The following TMEM132B variants were observed in gnomAD, a reference collection of about 807,000 sequenced individuals.
TMEM132B encodes transmembrane protein 132B.
In TMEM132B, 18 loss-of-function variants were observed where a neutral mutation model predicts 90.8. That is an observed-to-expected ratio of 0.20 (90% CI 0.14 to 0.29). TMEM132B has a LOEUF of 0.29. TMEM132B is among the 10% of genes least tolerant of loss of function. The pLI is 1.00. For synonymous variants in TMEM132B, 504 were observed against 523.3 expected (o/e 0.96, Z 0.50); for missense variants, 1,096 against 1,326.8 (o/e 0.83, Z 2.70).
chr12:125,595,520 C>T (rs1885419169), intron 5 of TMEM132B, among the ~76,000 whole-genome samples: 1 of 152,200 alleles, frequency 6.6e-6, no homozygotes, highest in Admixed American at 6.5e-5. Flanking sequence ...AAGCTCTTCA[C>T]ATGTATCAGT....
chr12:125,589,957 G>A, intron 5 of TMEM132B, among the ~76,000 whole-genome samples: 1 of 152,082 alleles, frequency 6.6e-6, no homozygotes, highest in Non-Finnish European at 1.5e-5. Context: ...GGTGGGGCCT[G>A]GTGGGAGGTG....
intron 3 of TMEM132B, among the ~76,000 whole-genome samples, chr12:125,420,248 A>G (rs1593136991): frequency 1.3e-5 from 2 of 152,250 alleles, no homozygotes; most frequent in African/African-American, 4.8e-5. Context: ...CTGCCCTAGC[A>G]GAGGTTCTCC....
intron 2 of TMEM132B, among the ~76,000 whole-genome samples, chr12:125,409,421 C>G (rs911067034): frequency 3.3e-5 from 5 of 152,136 alleles, no homozygotes; most frequent in Non-Finnish European, 5.9e-5. Flanking sequence ...AGGAGGCATC[C>G]GGCGGCAGTG....
At chr12:125,361,130 C>G (rs114921640) in intron 2 of TMEM132B, among the ~76,000 whole-genome samples, 2 of 152,114 alleles carry the variant, frequency 1.3e-5, no homozygotes, top group Non-Finnish European at 2.9e-5. Context: ...TACAGGGACA[C>G]GCCCGCTGCC....
intron 3 of TMEM132B, among the ~76,000 whole-genome samples, chr12:125,506,512 G>A (rs1255284294): frequency 2.6e-5 from 4 of 152,048 alleles, no homozygotes; most frequent in African/African-American, 4.8e-5. Context: ...TTTATCCCAT[G>A]TAAATTATAG....
chr12:125,460,746 TC>T lies in TMEM132B; in HGVS notation c.1106+45070del, dbSNP rs1332707146. On this transcript the variant is annotated intron_variant, in intron 3 of 8. Transcript: ENST00000682704. This position sits in a 1 kb window ranked among gnomAD's most constrained non-coding sequence, Gnocchi z 4.4. ...CGTGTGTATGTCATTGGCAGCCACT[TC>T]TTTTGAGGACCCACTATTAGCTGCT... 1.3e-5 allele frequency among the ~76,000 whole-genome samples: 2 copies of T among 152,294 alleles called. No homozygotes were observed. Among genetic ancestry groups the T allele is most frequent in the African/African-American group, 4.8e-5 (2 of 41,580 alleles).
At chr12:125,262,469 T>C (rs1194615381) in intron 1 of TMEM132B, among the ~76,000 whole-genome samples, 3 of 152,170 alleles carry the variant, frequency 2.0e-5, no homozygotes, top group Non-Finnish European at 4.4e-5. Context: ...ACTGGCAACA[T>C]TGGCTGTGCA....
intron 1 of TMEM132B, among the ~76,000 whole-genome samples, chr12:125,189,392 G>A (rs368100486): frequency 6.6e-6 from 1 of 152,146 alleles, no homozygotes; most frequent in Non-Finnish European, 1.5e-5. Context: ...GGTGGGTGGA[G>A]CACCCCCACC....
At position 125,282,044 on chromosome 12, in the gene TMEM132B, AAAAAAAAAAAAAAAAAG is replaced by A. The variant is rs1396234036; in HGVS notation, c.68-67406_68-67390del. 1.0e-3 allele frequency among the ~76,000 whole-genome samples: 148 copies of A among 141,100 alleles called. 3 individuals are homozygous for A. Among genetic ancestry groups the A allele is most frequent in the Middle Eastern group, 0.01 (3 of 288 alleles). The allele number at this position is 141,100 out of a possible 152,430, so 92.6% of individuals were successfully genotyped here. A position where few individuals can be genotyped will look rare whatever the true frequency, so the allele number is the denominator to read the frequency against. On this transcript the variant is annotated intron_variant, in intron 1 of 8. Transcript: ENST00000682704. ...CTCCGTCTCAAAAAAAAAAAAAAAA[AAAAAAAAAAAAAAAAAG>A]AGAGACTTTTGAAGCTTGGTGAGAG... is the stretch of plus-strand genomic sequence containing the variant.
chr12:125,479,167 G>A (rs1287764209), intron 3 of TMEM132B, among the ~76,000 whole-genome samples: 1 of 152,168 alleles, frequency 6.6e-6, no homozygotes, highest in African/African-American at 2.4e-5. Flanking sequence ...ATGCCAAATT[G>A]TAAAGACCAT....
chr12:125,616,870 A>G (rs1240914904), intron 5 of TMEM132B, among the ~76,000 whole-genome samples: 1 of 152,132 alleles, frequency 6.6e-6, no homozygotes, highest in African/African-American at 2.4e-5. Flanking sequence ...AAGAAGAGAA[A>G]GACAGAGACA....
chr12:125,382,063 T>C (rs1878700367), intron 2 of TMEM132B, among the ~76,000 whole-genome samples: 1 of 152,224 alleles, frequency 6.6e-6, no homozygotes, highest in African/African-American at 2.4e-5. Context: ...CCAACATCCC[T>C]TTTAGAAATC....
At chr12:125,350,850 CA>C (rs1457283445) in intron 2 of TMEM132B, among the ~76,000 whole-genome samples, 1 of 152,130 alleles carries the variant, frequency 6.6e-6, no homozygotes, top group African/African-American at 2.4e-5. Context: ...AAAGGGAGGT[CA>C]GGGGCGTATC....
chr12:125,591,663 A>G (rs10846929), intron 5 of TMEM132B, among the ~76,000 whole-genome samples: 9,117 of 152,262 alleles, frequency 0.06, 456 homozygotes, highest in East Asian at 0.14. Flanking sequence ...AGGTGTCAGC[A>G]GGACTCCAGT....
rs534623823 is a variant in TMEM132B, at chr12:125,634,946, G to A, written c.1438-9130G>A. 1.4e-3 allele frequency among the ~76,000 whole-genome samples: 220 copies of A among 152,228 alleles called. 1 individual carries two copies. The highest frequency in any genetic ancestry group is 4.4e-3 in the African/African-American group (184 of 41,552). ...CCCAGCTGGTATCTCAGTAGGTCAC[G>A]TGCCCCCAGGTCCACTGGCCCTGGG... On this transcript the variant is annotated intron_variant, in intron 5 of 8. Coordinates refer to ENST00000682704, the MANE Select transcript of TMEM132B (RefSeq NM_001366854.1).
In TMEM132B at chr12:125,661,201, T is replaced by C. The variant is rs1170035737; in HGVS notation, c.*6491T>C. ...GCCAGTGTCAACACTGACCATATGATATAGTTATTTCACTTAGAGATGCTT... is the reference window on the plus strand; with the variant it reads ...GCCAGTGTCAACACTGACCATATGACATAGTTATTTCACTTAGAGATGCTT... On this transcript the variant is annotated 3_prime_UTR_variant, in exon 9 of 9. Coordinates refer to ENST00000682704, the MANE Select transcript of TMEM132B (RefSeq NM_001366854.1). 1 of 152,220 alleles carries C rather than the reference T, an allele frequency of 6.6e-6. No homozygotes were observed. Among genetic ancestry groups the C allele is most frequent in the Non-Finnish European group, 1.5e-5 (1 of 68,040 alleles). The allele number at this position is 152,220 out of a possible 1,614,324, so 9.4% of individuals were successfully genotyped here.
chr12:125,292,489 T>A (rs913775782), intron 1 of TMEM132B, among the ~76,000 whole-genome samples: 4 of 152,256 alleles, frequency 2.6e-5, no homozygotes, highest in African/African-American at 9.6e-5. Context: ...AATGAGACAA[T>A]GTAGCAGCTA....
rs773307288 is a variant in TMEM132B, at chr12:125,584,018, T to G, written c.1437+24T>G. 16 of 1,614,018 alleles carry G rather than the reference T, an allele frequency of 9.9e-6. No individual in the cohort carries two copies. The South Asian group carries it at 1.8e-4, about 18-fold the overall frequency. On this transcript the variant is annotated intron_variant, in intron 5 of 8. Coordinates refer to ENST00000682704, the MANE Select transcript of TMEM132B (RefSeq NM_001366854.1). ...AGGTAAGGGGGGATTTATCTACAGC[T>G]GTCCTAAGTGCTCAGAGCTTTTTGT...
At chr12:125,630,602 T>G (rs936268136) in intron 5 of TMEM132B, among the ~76,000 whole-genome samples, 2 of 152,072 alleles carry the variant, frequency 1.3e-5, no homozygotes, top group Non-Finnish European at 2.9e-5. Context: ...TAGAAAAATT[T>G]TATTTTAGGT....
Sources: gnomAD v4.1 joint callset for allele counts (sites outside exome capture counted in the v4.1 genomes callset) on GRCh38, gnomAD v4.1.1 for gene constraint, Gnocchi (gnomAD v3.1) non-coding constraint, MANE v1.5 for transcripts, NCBI Gene and HGNC (gene_info 2026-07-23, HGNC 2026-07-21) for gene names.